The following LRRTM4 variants were observed in gnomAD, a reference collection of about 807,000 sequenced individuals.
LRRTM4 encodes the protein leucine-rich repeat transmembrane neuronal protein 4.
LRRTM4 carries 25 observed loss-of-function variants against 47.6 expected under a neutral mutation model. The ratio of observed to expected loss-of-function variants is 0.53; its 90% confidence interval spans 0.38 to 0.73. LRRTM4 has a LOEUF of 0.73. LRRTM4 is among the 30% of genes least tolerant of loss of function. The pLI, the probability that LRRTM4 is intolerant of heterozygous loss-of-function variation, is 0.00. For missense variants in LRRTM4, 638 were observed against 713.4 expected (o/e 0.89, Z 1.20); for synonymous variants, 311 against 269.5 (o/e 1.15, Z -1.51).
At chr2:77,414,184 C>T (rs1674549731) in intron 3 of LRRTM4, among the ~76,000 whole-genome samples, 1 of 152,030 alleles carries the variant, frequency 6.6e-6, no homozygotes, top group Admixed American at 6.6e-5. Flanking sequence ...GTATATCTCT[C>T]TCTTTTCACT....
At chr2:77,063,861 C>A (rs1164680002) in intron 3 of LRRTM4, among the ~76,000 whole-genome samples, 1 of 151,950 alleles carries the variant, frequency 6.6e-6, no homozygotes, top group Non-Finnish European at 1.5e-5. Context: ...ATTGAGCAGG[C>A]TACTGTTCTT....
chr2:77,155,967 A>G (rs549441482), intron 3 of LRRTM4, among the ~76,000 whole-genome samples: 2 of 152,304 alleles, frequency 1.3e-5, no homozygotes, highest in East Asian at 3.9e-4. Context: ...TCAATTTTCA[A>G]CATAGGTATG....
At chr2:77,507,845 A>G (rs1360795892) in intron 3 of LRRTM4, among the ~76,000 whole-genome samples, 1 of 152,124 alleles carries the variant, frequency 6.6e-6, no homozygotes, top group Non-Finnish European at 1.5e-5. Flanking sequence ...ATCACCGAAG[A>G]CAAGGTGAGC....
chr2:76,794,316 A>T (rs904656451), intron 3 of LRRTM4, among the ~76,000 whole-genome samples: 43 of 152,206 alleles, frequency 2.8e-4, no homozygotes, highest in African/African-American at 9.6e-4. Flanking sequence ...ATTAGTATGA[A>T]AGGAAGTTAT....
chr2:77,418,289 A>G (rs770492799), intron 3 of LRRTM4, among the ~76,000 whole-genome samples: 17 of 152,208 alleles, frequency 1.1e-4, no homozygotes, highest in African/African-American at 3.9e-4. Flanking sequence ...TAAAAATACT[A>G]TGTGACATGA....
chr2:77,269,880 TCCAGGATC>T (rs1434742859), intron 3 of LRRTM4, among the ~76,000 whole-genome samples: 1 of 152,234 alleles, frequency 6.6e-6, no homozygotes, highest in Non-Finnish European at 1.5e-5. Flanking sequence ...TGAACTAAAC[TCCAGGATC>T]CCTGGTTCCT....
At chr2:77,049,122 TTATATA>T (rs3058032) in intron 3 of LRRTM4, among the ~76,000 whole-genome samples, 66 of 62,686 alleles carry the variant, frequency 1.1e-3, no homozygotes, top group South Asian at 4.1e-3. Flanking sequence ...ATTTCATTTT[TTATATA>T]TATATATATA....
At chr2:77,439,891 A>C (rs1334915627) in intron 3 of LRRTM4, among the ~76,000 whole-genome samples, 1 of 152,188 alleles carries the variant, frequency 6.6e-6, no homozygotes, top group Non-Finnish European at 1.5e-5. Context: ...AGAAAATCGA[A>C]GCATTGCTTT....
rs1674940680 is a variant in LRRTM4 at position 76,790,967 on chromosome 2, G to A, written c.1552-42051C>T. ...GTTTCCATATTTCACTTTAAACATG[G>A]AAAACATGGTCCACAGAAGGTATGT... On this transcript the variant is annotated intron_variant, in intron 3 of 3. Transcript: ENST00000409884. Among the ~76,000 whole-genome samples the A allele has an allele frequency of 2.6e-5, 4 of 152,130 alleles. No individual in the cohort carries two copies. In the South Asian group the frequency reaches 8.3e-4, roughly 32 times the overall value.
chr2:76,800,212 G>T (rs202039567), intron 3 of LRRTM4, among the ~76,000 whole-genome samples: 62,089 of 142,142 alleles, frequency 0.44, 15,011 homozygotes, highest in East Asian at 0.66. Flanking sequence ...ATACTACAAG[G>T]CGACAGTGAC....
chr2:77,483,252 T>C (rs1434355416), intron 3 of LRRTM4, among the ~76,000 whole-genome samples: 1 of 151,738 alleles, frequency 6.6e-6, no homozygotes. Context: ...TCACTATAGA[T>C]GAAAATTTAA....
In LRRTM4 at chr2:77,472,009, CCTT is replaced by C. The variant is rs201522315; in HGVS notation, c.1551+46306_1551+46308del. Among the ~76,000 whole-genome samples, 35 of 152,250 alleles carry C rather than the reference CCTT, an allele frequency of 2.3e-4. No homozygotes were observed. In the East Asian group the frequency reaches 5.8e-3, roughly 25 times the overall value. On this transcript the variant is annotated intron_variant, in intron 3 of 3. Transcript: ENST00000409884. ...ATAGAGCTGTGAAAAATTTGTGTCA[CCTT>C]CGGGGCACCAGCTGAGAGTCTAGGA...
intron 3 of LRRTM4, among the ~76,000 whole-genome samples, chr2:77,391,203 T>C (rs531278782): frequency 1.3e-5 from 2 of 152,166 alleles, no homozygotes; most frequent in Non-Finnish European, 2.9e-5. Flanking sequence ...TTATATTCTT[T>C]ATTGGTTGAA....
chr2:76,997,719 T>C (rs1043012881), intron 3 of LRRTM4, among the ~76,000 whole-genome samples: 1 of 152,116 alleles, frequency 6.6e-6, no homozygotes, highest in African/African-American at 2.4e-5. Flanking sequence ...CACAGAGCAG[T>C]ACCAGTCCAT....
At chr2:76,782,805 A>C (rs1558649697) in intron 3 of LRRTM4, among the ~76,000 whole-genome samples, 2 of 152,210 alleles carry the variant, frequency 1.3e-5, no homozygotes, top group Admixed American at 6.5e-5. Context: ...TTAAGGGTCA[A>C]CTGTTTAACA....
At chr2:77,411,451 C>CTTTTTTTTT (rs138496739) in intron 3 of LRRTM4, among the ~76,000 whole-genome samples, 1 of 116,044 alleles carries the variant, frequency 8.6e-6, no homozygotes, top group African/African-American at 3.2e-5. Context: ...TCTCTTTCTT[C>CTTTTTTTTT]TTTTTTTTTT....
At chr2:77,484,932 G>A (rs2104027436) in intron 3 of LRRTM4, among the ~76,000 whole-genome samples, 1 of 152,150 alleles carries the variant, frequency 6.6e-6, no homozygotes, top group East Asian at 1.9e-4. Flanking sequence ...ATAGCACCAA[G>A]GAGTATCTAG....
chr2:77,416,433 T>A (rs1200954314), intron 3 of LRRTM4, among the ~76,000 whole-genome samples: 2 of 152,106 alleles, frequency 1.3e-5, no homozygotes, highest in African/African-American at 4.8e-5. Flanking sequence ...TCATGGTAAG[T>A]ACTAAAACAT....
intron 3 of LRRTM4, among the ~76,000 whole-genome samples, chr2:77,430,759 A>G (rs2103904591): frequency 6.7e-6 from 1 of 148,254 alleles, no homozygotes; most frequent in South Asian, 2.1e-4. Context: ...AACTGGATTA[A>G]GAGATACCTA....
Sources: gnomAD v4.1 joint callset for allele counts (sites outside exome capture counted in the v4.1 genomes callset) on GRCh38, gnomAD v4.1.1 for gene constraint, MANE v1.5 for transcripts, NCBI Gene and HGNC (gene_info 2026-07-23, HGNC 2026-07-21) for gene names.